PFKL: variants seen among roughly 807,000 people sequenced by gnomAD.
The protein encoded by PFKL is phosphofructokinase, liver type.
A neutral mutation model predicts 92.1 loss-of-function variants in PFKL; 74 were observed. The observed-to-expected ratio is 0.80, with a 90% confidence interval of 0.67 to 0.97. The LOEUF is 0.97. PFKL is among the 50% of genes least tolerant of loss of function. PFKL has a pLI of 0.00. For synonymous variants in PFKL, 494 were observed against 456.4 expected, an observed-to-expected ratio of 1.08 and a Z score of -1.05; for missense variants, 1,028 against 1,116.6, an observed-to-expected ratio of 0.92 and a Z score of 1.13.
chr21:44,313,617 C>T (rs371835252), intron 5 of PFKL, 21 bp from the exon 6 acceptor site: 9 of 1,608,214 alleles, frequency 5.6e-6, no homozygotes, highest in Non-Finnish European at 7.6e-6. Flanking sequence ...ACTGATGCAT[C>T]CTCCTGTTCC....
chr21:44,301,662 C>T (rs1285705802), intron 1 of PFKL, among the ~76,000 whole-genome samples: 1 of 152,052 alleles, frequency 6.6e-6, no homozygotes, highest in African/African-American at 2.4e-5. Context: ...CAAGAAAGGC[C>T]CCGAGTCTGG....
intron 3 of PFKL, among the ~76,000 whole-genome samples, chr21:44,311,657 C>T (rs147817694): frequency 1.3e-4 from 20 of 152,280 alleles, no homozygotes; most frequent in East Asian, 3.9e-4. Flanking sequence ...GAGACGTGGC[C>T]GTGCTGGGTC....
At chr21:44,311,159 G>C (rs1460082766) in intron 3 of PFKL, 76 bp downstream of exon 3, 8 of 1,097,036 alleles carry the variant, frequency 7.3e-6, no homozygotes, top group African/African-American at 2.2e-5. Flanking sequence ...TGCACACACA[G>C]ACACACACAC....
chr21:44,326,567 C>T, intron 21 of PFKL, 148 bp from the exon 22 acceptor site: 1 of 1,113,680 alleles, frequency 9.0e-7, no homozygotes, highest in Non-Finnish European at 1.3e-6. Flanking sequence ...GACCCCAGAC[C>T]TGTCCCAGCT....
At chr21:44,319,477 G>A (rs2047303514) in intron 11 of PFKL, 62 bp downstream of exon 11, 1 of 1,379,920 alleles carries the variant, frequency 7.2e-7, no homozygotes, top group Non-Finnish European at 1.0e-6. Flanking sequence ...CAGGCAGCAT[G>A]TGCTGCAGTG....
rs977697131 is a variant in PFKL at position 44,301,277 on chromosome 21, G to C, written c.85+1087G>C. On this transcript the variant is annotated intron_variant, in intron 1 of 21. Coordinates refer to ENST00000349048, the MANE Select transcript of PFKL (RefSeq NM_002626.6). The stretch of plus-strand genomic sequence containing the variant: ...AGGGGGCTCCTTCAGACCTGGCTGA[G>C]CCAGGCCTGTGGTGGCTGCCCACCC... Among the ~76,000 whole-genome samples the C allele has an allele frequency of 3.9e-5, 6 of 152,286 alleles. 1 individual carries two copies. The South Asian group carries it at 1.2e-3, about 32-fold the overall frequency.
In PFKL at chr21:44,306,622, G is replaced by GGGC. The variant is rs1555875638; in HGVS notation, c.86-57_86-56insCGG. On this transcript the variant is annotated intron_variant, in intron 1 of 21. Coordinates refer to ENST00000349048, the MANE Select transcript of PFKL (RefSeq NM_002626.6). ...TACCCCCTGTCCTCTGAGATGGGGA[G>GGGC]GGTGTCCAGGGCCTTGCTTCTCAGC... is the stretch of plus-strand genomic sequence containing the variant. 2.0e-5 allele frequency: 30 copies of GGGC among 1,477,796 alleles called. 2 individuals carry two copies. The East Asian group carries it at 2.3e-4, about 12-fold the overall frequency. 91.5% of individuals were successfully genotyped at this position (1,477,796 alleles called of 1,614,324 possible).
rs76758103 is a variant in PFKL, at chr21:44,325,276, G to C, written c.1989+12G>C. 14,759 of 1,549,640 alleles carry C rather than the reference G, an allele frequency of 9.5e-3. 726 individuals are homozygous for C. The African/African-American group carries it at 0.13, about 13-fold the overall frequency. The stretch of plus-strand genomic sequence containing the variant: ...GCCACCTGCAGCAGGTGTGGGGCAG[G>C]GGTGAGGCTCTGAGAGGCCTGCCCC... On this transcript the variant is annotated intron_variant, in intron 19 of 21. Coordinates refer to ENST00000349048, the MANE Select transcript of PFKL (RefSeq NM_002626.6).
chr21:44,312,640 A>G (rs1268330011), intron 4 of PFKL, among the ~76,000 whole-genome samples: 26 of 152,208 alleles, frequency 1.7e-4, no homozygotes, highest in Non-Finnish European at 4.4e-5. Flanking sequence ...ATAGAGTTGA[A>G]GTTGGGGTGA....
chr21:44,308,264 G>A (rs116637439), intron 2 of PFKL, among the ~76,000 whole-genome samples: 282 of 152,300 alleles, frequency 1.9e-3, no homozygotes, highest in African/African-American at 6.4e-3. Flanking sequence ...CCTCTCAAAG[G>A]GAGGCAAGGC....
Position 44,324,472 on chromosome 21 carries a change from A to AC in PFKL, c.1651-12dup, listed in dbSNP as rs760183663. The AC allele has an allele frequency of 4.4e-5, 71 of 1,606,308 alleles. No homozygotes were observed. The highest frequency in any genetic ancestry group is 6.6e-5 in the South Asian group (6 of 90,678). ...AGGGTGGGCACGTGGAGGACCCCCG[A>AC]CCCCCCCTTGTCCCCCAGAGCTGTG... On this transcript the variant is annotated intron_variant, in intron 16 of 21. Transcript: ENST00000349048.
intron 7 of PFKL, chr21:44,315,544 G>A: frequency 6.5e-6 from 1 of 152,944 alleles, no homozygotes; most frequent in Middle Eastern, 3.1e-3. Flanking sequence ...GTGGCCCGTG[G>A]TGGGCAAACA....
chr21:44,306,627 T>G, intron 1 of PFKL, 54 bp from the exon 2 acceptor site: 2 of 1,417,310 alleles, frequency 1.4e-6, no homozygotes, highest in Non-Finnish European at 2.0e-6. Context: ...GGGGAGGGTG[T>G]CCAGGGCCTT....
chr21:44,325,812 G>C (rs2047490275), intron 19 of PFKL, 149 bp from the exon 20 acceptor site: 1 of 619,332 alleles, frequency 1.6e-6, no homozygotes. Context: ...CCTCGATCGG[G>C]AACAGACGGG....
At chr21:44,305,240 C>T in intron 1 of PFKL, 2 of 1,303,640 alleles carry the variant, frequency 1.5e-6, no homozygotes, top group Non-Finnish European at 2.0e-6. Context: ...GTGTGCCGAT[C>T]CCTGGGGTTT....
chr21:44,311,082 T>C lies in PFKL; in HGVS notation c.236T>C (p.Leu79Pro). 6.2e-7 allele frequency: 1 copy of C among 1,612,266 alleles called. No homozygotes were observed. The highest frequency in any genetic ancestry group is 8.5e-7 in the Non-Finnish European group (1 of 1,179,080). Residue 79 changes from leucine (L) to proline (P), a missense_variant and splice_region_variant, in exon 3 of 22, where the codon CTG becomes CCG. By Grantham distance (98) the Leu-to-Pro change is moderately conservative (BLOSUM62 -3). Coordinates refer to ENST00000349048, the MANE Select transcript of PFKL (RefSeq NM_002626.6). ...NWLSVSNIIQ[L>P]GGTIIGSARC... ...CTGAGCGTCTCCAACATCATCCAGCTGGTGAGGCCTGGGAACGCGGATGCA... is the reference window on the plus strand; with the variant it reads ...CTGAGCGTCTCCAACATCATCCAGCCGGTGAGGCCTGGGAACGCGGATGCA...
At chr21:44,312,369 G>A in intron 4 of PFKL, 75 bp downstream of exon 4, 2 of 1,352,902 alleles carry the variant, frequency 1.5e-6, no homozygotes. Flanking sequence ...GAATGGGCAG[G>A]ACAGAGGGAC....
At chr21:44,324,415 T>G in intron 16 of PFKL, 76 bp from the exon 17 acceptor site, 1 of 1,509,248 alleles carries the variant, frequency 6.6e-7, no homozygotes, top group Non-Finnish European at 9.1e-7. Flanking sequence ...CAGGGCTCCC[T>G]GCAGGGTAGC....
Position 44,316,387 on chromosome 21 carries a change from C to T in PFKL, c.844-45C>T, listed in dbSNP as rs200483921. 63 of 1,611,354 alleles carry T rather than the reference C, an allele frequency of 3.9e-5. No individual in the cohort carries two copies. In the East Asian group the frequency reaches 8.5e-4, roughly 22 times the overall value. On this transcript the variant is annotated intron_variant, in intron 8 of 21. Transcript: ENST00000349048. ...CCACTGGGCACCTGCTCCTCTAGGC[C>T]GTGTGGGCTGGGGCTCAGGGCTGGT...
Sources: allele counts gnomAD v4.1 joint callset (sites outside exome capture counted in the v4.1 genomes callset), GRCh38; gene constraint gnomAD v4.1.1; transcripts MANE v1.5; gene names NCBI Gene and HGNC (gene_info 2026-07-23, HGNC 2026-07-21).